The following DHX32 variants were observed in gnomAD, a reference collection of about 807,000 sequenced individuals.
The protein encoded by DHX32 is putative pre-mRNA-splicing factor ATP-dependent RNA helicase DHX32.
DHX32 carries 51 observed loss-of-function variants against 70.0 expected under a neutral mutation model. That is an observed-to-expected ratio of 0.73 (90% CI 0.58 to 0.92). The LOEUF is 0.92. Among genes scored for constraint, DHX32 ranks in the 40% least tolerant of loss-of-function variants. The probability of loss-of-function intolerance (pLI) is 0.00; values close to 1 mark genes in which losing one functional copy is unlikely to be tolerated. For synonymous variants in DHX32, 310 were observed against 315.3 expected, an observed-to-expected ratio of 0.98 and a Z score of 0.18; for missense variants, 762 against 891.8, an observed-to-expected ratio of 0.85 and a Z score of 1.85.
Position 125,840,844 on chromosome 10 carries a change from T to C in DHX32, c.1693+3A>G. 6.3e-7 allele frequency: 1 copy of C among 1,583,380 alleles called. No homozygotes were observed. Among genetic ancestry groups the C allele is most frequent in the South Asian group, 1.1e-5 (1 of 88,112 alleles). On this transcript the variant is annotated splice_donor_region_variant and intron_variant, in intron 8 of 10. Transcript: ENST00000284690. ...AATAGGTAGTTTCTGAGCATTCACT[T>C]ACACTCACTGCTAGAATTCAGAGTT...
chr10:125,846,108 G>A (rs545735078), intron 6 of DHX32, among the ~76,000 whole-genome samples: 1 of 152,312 alleles, frequency 6.6e-6, no homozygotes, highest in Admixed American at 6.5e-5. Flanking sequence ...CACCTGTCTA[G>A]TCAGTATTCC....
chr10:125,860,382 T>G (rs1031102677), intron 2 of DHX32, among the ~76,000 whole-genome samples: 1 of 152,250 alleles, frequency 6.6e-6, no homozygotes, highest in African/African-American at 2.4e-5. Flanking sequence ...AGTAAAATTA[T>G]ACACTTTTCA....
At chr10:125,892,311 A>T (rs76935297) in intron 1 of DHX32, among the ~76,000 whole-genome samples, 3 of 152,276 alleles carry the variant, frequency 2.0e-5, no homozygotes, top group African/African-American at 4.8e-5. Flanking sequence ...AACATCTCCA[A>T]TTTTTTTGTC....
At chr10:125,852,041 T>C (rs959339551) in intron 6 of DHX32, among the ~76,000 whole-genome samples, 1 of 152,136 alleles carries the variant, frequency 6.6e-6, no homozygotes, top group Non-Finnish European at 1.5e-5. Flanking sequence ...TTAAGCCCAG[T>C]TCCCCTGTGC....
chr10:125,842,267 G>A (rs1374855094), intron 6 of DHX32: 6 of 275,980 alleles, frequency 2.2e-5, no homozygotes, highest in South Asian at 4.7e-5. Flanking sequence ...CGGAACTCGC[G>A]GTCACAGTAC....
Position 125,841,885 on chromosome 10 carries a change from T to A in DHX32, c.1401A>T (p.Ala467=). ...QALEDLDYLA[A]LDNDGNLSEF... The stretch of plus-strand genomic sequence containing the variant: ...CAGAAAGATTTCCATCATTATCCAG[T>A]GCTGCCAGATAATCTAAGTCTTCCA... Residue 467 remains alanine (A), a synonymous_variant, in exon 7 of 11, where the codon GCA becomes GCT. Transcript: ENST00000284690. The A allele has an allele frequency of 6.2e-7, 1 of 1,610,550 alleles. No homozygotes were observed. Among genetic ancestry groups the A allele is most frequent in the Non-Finnish European group, 8.5e-7 (1 of 1,179,276 alleles).
At chr10:125,843,891 C>T (rs553613404) in intron 6 of DHX32, among the ~76,000 whole-genome samples, 1 of 152,188 alleles carries the variant, frequency 6.6e-6, no homozygotes, top group Non-Finnish European at 1.5e-5. Context: ...CCCAGACATC[C>T]GCTGGAGTAC....
rs1854856352 is a variant in DHX32, at chr10:125,840,836, C to T, written c.1693+11G>A. 1.9e-6 allele frequency: 3 copies of T among 1,561,658 alleles called. No homozygotes were observed. The highest frequency in any genetic ancestry group is 2.3e-5 in the East Asian group (1 of 43,782). The stretch of plus-strand genomic sequence containing the variant: ...GTGGAATTAATAGGTAGTTTCTGAG[C>T]ATTCACTTACACTCACTGCTAGAAT... On this transcript the variant is annotated intron_variant, in intron 8 of 10. Coordinates refer to ENST00000284690, the MANE Select transcript of DHX32 (RefSeq NM_018180.3).
intron 2 of DHX32, among the ~76,000 whole-genome samples, chr10:125,863,715 C>T (rs970496317): frequency 6.6e-6 from 1 of 152,120 alleles, no homozygotes; most frequent in Non-Finnish European, 1.5e-5. Context: ...TCCCAAAGTG[C>T]TGGGATTACA....
Position 125,881,042 on chromosome 10 carries a change from G to C in DHX32, c.-218C>G, listed in dbSNP as rs989296187. On this transcript the variant is annotated 5_prime_UTR_variant, in exon 1 of 11. Coordinates refer to ENST00000284690, the MANE Select transcript of DHX32 (RefSeq NM_018180.3). ...GTGCTGGCTCACTACAGCACTCTTCGGCATTGTAAATGATTGTCAATAAAC... is the reference window on the plus strand; with the variant it reads ...GTGCTGGCTCACTACAGCACTCTTCCGCATTGTAAATGATTGTCAATAAAC... 1.3e-5 allele frequency: 6 copies of C among 453,076 alleles called. 1 individual carries two copies. The South Asian group carries it at 3.8e-4, about 29-fold the overall frequency. 28.1% of individuals were successfully genotyped at this position (453,076 alleles called of 1,614,324 possible).
At chr10:125,859,058 T>G (rs1352141084) in intron 3 of DHX32, among the ~76,000 whole-genome samples, 43 of 151,768 alleles carry the variant, frequency 2.8e-4, no homozygotes, top group African/African-American at 1.0e-3. Context: ...TTTTTTTTTT[T>G]TTTTTAATCT....
chr10:125,866,919 T>C lies in DHX32; in HGVS notation c.476+71A>G. The stretch of plus-strand genomic sequence containing the variant: ...CTTAACAGGTAGAATGCCAGAATAA[T>C]GCTCCTTCAGAATTGTAGAACCTAA... On this transcript the variant is annotated intron_variant, in intron 2 of 10. Coordinates refer to ENST00000284690, the MANE Select transcript of DHX32 (RefSeq NM_018180.3). The surrounding 1 kb of genome is among the most constrained non-coding windows in gnomAD (Gnocchi z 4.8). 6.7e-7 allele frequency: 1 copy of C among 1,495,306 alleles called. No individual in the cohort carries two copies. The allele number at this position is 1,495,306 out of a possible 1,614,324, so 92.6% of individuals were successfully genotyped here.
upstream of DHX32, among the ~76,000 whole-genome samples, chr10:125,883,236 C>A (rs1200207842): frequency 6.6e-6 from 1 of 152,134 alleles, no homozygotes; most frequent in East Asian, 1.9e-4. Context: ...CACACATTAG[C>A]CTTAACCACT....
chr10:125,836,740 G>C lies in DHX32; in HGVS notation c.2179C>G (p.Gln727Glu). 6.2e-7 allele frequency: 1 copy of C among 1,614,146 alleles called. No individual in the cohort carries two copies. Among genetic ancestry groups the C allele is most frequent in the South Asian group, 1.1e-5 (1 of 91,082 alleles). The part of the protein sequence containing the change: ...LSPVSTMNKE[Q>E]QMCETCPETE... ...TCAGGGCACGTCTCACACATTTGCT[G>C]TTCCTTATTCATTGTTGACACAGGG... Residue 727 changes from glutamine to glutamate, a missense_variant, in exon 11 of 11, where the codon CAG becomes GAG. Gln to Glu is a conservative substitution (Grantham distance 29). Transcript: ENST00000284690.
chr10:125,849,662 G>T (rs1028790240), intron 6 of DHX32, among the ~76,000 whole-genome samples: 1 of 152,238 alleles, frequency 6.6e-6, no homozygotes, highest in Non-Finnish European at 1.5e-5. Flanking sequence ...CTGCGGCAGA[G>T]CTATGGGGAG....
chr10:125,859,169 T>A (rs565229198), intron 3 of DHX32, among the ~76,000 whole-genome samples: 1 of 152,230 alleles, frequency 6.6e-6, no homozygotes, highest in African/African-American at 2.4e-5. Context: ...GTGGGAAATG[T>A]TGTGTTACTT....
intron 3 of DHX32, among the ~76,000 whole-genome samples, chr10:125,857,421 A>C (rs1944155435): frequency 6.6e-6 from 1 of 152,192 alleles, no homozygotes; most frequent in South Asian, 2.1e-4. Flanking sequence ...CCCCTGAACA[A>C]TGAGGAGCTC....
rs151267287 is a variant in DHX32, at chr10:125,868,905, C to A, written c.283-1722G>T. On this transcript the variant is annotated intron_variant, in intron 1 of 10. Coordinates refer to ENST00000284690, the MANE Select transcript of DHX32 (RefSeq NM_018180.3). ...TGCTTCCCACCGTGGCAGCCATCAC[C>A]TTCCTGAGGTTGCTGTTTGTTCCTA... 1.0e-3 allele frequency among the ~76,000 whole-genome samples: 153 copies of A among 152,254 alleles called. 4 individuals carry two copies. In the East Asian group the frequency reaches 0.023, roughly 23 times the overall value.
In DHX32 at chr10:125,838,379, C is replaced by T. The variant is rs1158437802; in HGVS notation, c.1890G>A (p.Arg630=). Residue 630 remains arginine (R), a synonymous_variant, in exon 10 of 11, where the codon CGG becomes CGA. Transcript: ENST00000284690. ...LLSGYFMQIA[R]DVDGSGNYLM... is the part of the protein sequence containing the mutation. Reference sequence around the variant, plus strand: ...AGTAGTTACCTGATCCATCAACATCCCGAGCAATCTGAAAGGCAGAATTTT... The same window carrying T: ...AGTAGTTACCTGATCCATCAACATCTCGAGCAATCTGAAAGGCAGAATTTT... 6.4e-7 allele frequency: 1 copy of T among 1,572,276 alleles called. No homozygotes were observed. The highest frequency in any genetic ancestry group is 8.6e-7 in the Non-Finnish European group (1 of 1,164,156).
Sources: allele counts gnomAD v4.1 joint callset (sites outside exome capture counted in the v4.1 genomes callset), GRCh38; gene constraint gnomAD v4.1.1; non-coding constraint Gnocchi (gnomAD v3.1); transcripts MANE v1.5; gene names NCBI Gene and HGNC (gene_info 2026-07-23, HGNC 2026-07-21).